The following TRPA1 variants were observed in gnomAD, a reference collection of about 807,000 sequenced individuals.
TRPA1 encodes the protein ankyrin-like with transmembrane domains 1.
In TRPA1, 129 loss-of-function variants were observed where a neutral mutation model predicts 131.3. The observed-to-expected ratio is 0.98, with a 90% CI of 0.85 to 1.14. TRPA1 has a LOEUF of 1.14. Among genes scored for constraint, TRPA1 ranks in the 50% most tolerant of loss-of-function variants. The pLI is 0.00. For missense variants in TRPA1, 1,304 were observed against 1,354.2 expected (o/e 0.96, Z 0.58); for synonymous variants, 441 against 451.7 (o/e 0.98, Z 0.30).
intron 20 of TRPA1, among the ~76,000 whole-genome samples, chr8:72,037,531 T>C (rs1383227008): frequency 6.6e-6 from 1 of 152,068 alleles, no homozygotes; most frequent in African/African-American, 2.4e-5. Flanking sequence ...TATTAAAACT[T>C]GGAATTTTAT....
intron 18 of TRPA1, among the ~76,000 whole-genome samples, chr8:72,039,510 T>A (rs1223480527): frequency 2.6e-5 from 4 of 152,124 alleles, no homozygotes; most frequent in Non-Finnish European, 1.5e-5. Flanking sequence ...GCATTTTTTT[T>A]AACCTTAACT....
At chr8:72,082,625 A>G in the TRPA1 span, among the ~76,000 whole-genome samples, 2 of 152,080 alleles carry the variant, frequency 1.3e-5, no homozygotes, top group East Asian at 3.9e-4. Context: ...CATCACTTTG[A>G]GTATTATTAC....
chr8:72,069,122 CTT>C lies in TRPA1; in HGVS notation c.343_344del (p.Lys115ValfsTer29), dbSNP rs1805997167. The C allele has an allele frequency of 6.2e-7, 1 of 1,614,098 alleles. No homozygotes were observed. The highest frequency in any genetic ancestry group is 1.3e-5 in the African/African-American group (1 of 74,922). ...AVEKNQIESV[K>X]FLLSRGANPN... Reference sequence around the variant, plus strand: ...GGTTTGCTCCTCTGCTGAGAAGAAACTTAACGCTTTCAATTTGGTTTTTTTCT... The same window carrying C: ...GGTTTGCTCCTCTGCTGAGAAGAAACAACGCTTTCAATTTGGTTTTTTTCT... On this transcript the variant is annotated frameshift_variant, in exon 3 of 27. Coordinates refer to ENST00000262209, the MANE Select transcript of TRPA1 (RefSeq NM_007332.3). LOFTEE classifies it high-confidence loss of function.
intron 7 of TRPA1, among the ~76,000 whole-genome samples, chr8:72,060,887 G>GGAA (rs1158481182): frequency 7.4e-5 from 11 of 148,236 alleles, no homozygotes; most frequent in African/African-American, 2.7e-4. Flanking sequence ...AAGAGATACT[G>GGAA]TAGAATTCCA....
intron 21 of TRPA1, among the ~76,000 whole-genome samples, chr8:72,035,576 A>G (rs533287547): frequency 2.0e-5 from 3 of 152,304 alleles, no homozygotes; most frequent in East Asian, 1.9e-4. Flanking sequence ...GTTATTGGAA[A>G]GATTATGTGA....
At chr8:72,041,834 T>G (rs1812262060) in intron 17 of TRPA1, among the ~76,000 whole-genome samples, 1 of 151,452 alleles carries the variant, frequency 6.6e-6, no homozygotes, top group Non-Finnish European at 1.5e-5. Context: ...AACCTAAGAT[T>G]AGCAAAATGA....
In TRPA1 at chr8:72,053,742, G is replaced by C; in HGVS notation, c.1644+11C>G. On this transcript the variant is annotated intron_variant, in intron 13 of 26. Coordinates refer to ENST00000262209, the MANE Select transcript of TRPA1 (RefSeq NM_007332.3). ...GAGATTTTGGGTAAGCATGAGGACCGCAGTACATACCCCGTCTTCATCCAG... is the reference window on the plus strand; with the variant it reads ...GAGATTTTGGGTAAGCATGAGGACCCCAGTACATACCCCGTCTTCATCCAG... The C allele has an allele frequency of 6.3e-7, 1 of 1,595,496 alleles. No individual in the cohort carries two copies. The highest frequency in any genetic ancestry group is 8.6e-7 in the Non-Finnish European group (1 of 1,165,010).
At chr8:72,023,208 T>C (rs1811459793) in intron 26 of TRPA1, 92 bp from the exon 27 acceptor site, 13 of 380,882 alleles carry the variant, frequency 3.4e-5, no homozygotes, top group African/African-American at 1.0e-4. Context: ...CCTCGGTCCC[T>C]TCTGAATGTA....
chr8:72,047,718 T>C (rs1364421191), intron 15 of TRPA1, among the ~76,000 whole-genome samples: 1 of 152,156 alleles, frequency 6.6e-6, no homozygotes, highest in Admixed American at 6.6e-5. Context: ...CTTCAGGCTA[T>C]GCTTTTAAGG....
At chr8:72,059,327 T>C in intron 8 of TRPA1, 63 bp downstream of exon 8, 1 of 1,105,240 alleles carries the variant, frequency 9.0e-7, no homozygotes, top group Non-Finnish European at 1.3e-6. Flanking sequence ...CCATATTATG[T>C]AATTATACGA....
rs1333675906 is a variant in TRPA1 at position 72,055,420 on chromosome 8, AATCATATATCCTCACCT to A, written c.1528_1529+15del. ...ATTAAAGAAATTATATAAACACTCC[AATCATATATCCTCACCT>A]GAGAAACAATGCACCTTTTTTCAGA... On this transcript the variant is annotated splice_donor_variant and splice_donor_5th_base_variant and coding_sequence_variant and intron_variant, in exon 12 of 27. Coordinates refer to ENST00000262209, the MANE Select transcript of TRPA1 (RefSeq NM_007332.3). LOFTEE classifies it high-confidence loss of function. The A allele has an allele frequency of 6.2e-7, 1 of 1,609,314 alleles. No homozygotes were observed. The highest frequency in any genetic ancestry group is 1.7e-5 in the Admixed American group (1 of 59,886).
At chr8:72,040,241 G>A (rs760610379) in intron 17 of TRPA1, among the ~76,000 whole-genome samples, 3 of 152,044 alleles carry the variant, frequency 2.0e-5, no homozygotes, top group Non-Finnish European at 4.4e-5. Flanking sequence ...GTGACTACTA[G>A]TATTTATTTA....
upstream of TRPA1, chr8:72,075,681 C>T: frequency 2.0e-6 from 1 of 496,490 alleles, no homozygotes; most frequent in Non-Finnish European, 3.7e-6. Context: ...AAGAGGGCGG[C>T]GGCGCCGCGT....
In TRPA1 at chr8:72,053,713, T is replaced by C. The variant is rs761301388; in HGVS notation, c.1644+40A>G. On this transcript the variant is annotated intron_variant, in intron 13 of 26. Coordinates refer to ENST00000262209, the MANE Select transcript of TRPA1 (RefSeq NM_007332.3). ...CTGGCAATGTTGGAAGTTTCTGCTA[T>C]ATTGAGATTTTGGGTAAGCATGAGG... 5 of 1,444,186 alleles carry C rather than the reference T, an allele frequency of 3.5e-6. No individual in the cohort carries two copies. The South Asian group carries it at 3.5e-5, about 10-fold the overall frequency. The allele number at this position is 1,444,186 out of a possible 1,614,324, so 89.5% of individuals were successfully genotyped here.
At chr8:72,050,947 A>G (rs1805488998) in intron 14 of TRPA1, 76 bp from the exon 15 acceptor site, 3 of 1,102,252 alleles carry the variant, frequency 2.7e-6, no homozygotes, top group Non-Finnish European at 4.1e-6. Context: ...ACTCAAGATT[A>G]TTTCTTTAGG....
chr8:72,047,316 G>T, intron 15 of TRPA1, 109 bp from the exon 16 acceptor site: 1 of 817,876 alleles, frequency 1.2e-6, no homozygotes, highest in South Asian at 1.5e-5. Flanking sequence ...TCCTTTCCTT[G>T]GTTTCTTGCA....
chr8:72,034,387 T>G lies in TRPA1; in HGVS notation c.2556-10A>C. 2.6e-6 allele frequency: 3 copies of G among 1,161,576 alleles called. No homozygotes were observed. The highest frequency in any genetic ancestry group is 3.6e-6 in the Non-Finnish European group (3 of 839,466). The allele number at this position is 1,161,576 out of a possible 1,614,324, so 72.0% of individuals were successfully genotyped here. A position where few individuals can be genotyped will look rare whatever the true frequency, so the allele number is the denominator to read the frequency against. Reference sequence around the variant, plus strand: ...TCCACAATTTTCAAATCTAGAAAAGTAAAAAAAAAAAAATTTACTCACTTT... The same window carrying G: ...TCCACAATTTTCAAATCTAGAAAAGGAAAAAAAAAAAAATTTACTCACTTT... On this transcript the variant is annotated splice_polypyrimidine_tract_variant and intron_variant, in intron 21 of 26. Transcript: ENST00000262209.
the TRPA1 span, among the ~76,000 whole-genome samples, chr8:72,082,322 T>C: frequency 5.5e-4 from 83 of 152,066 alleles, no homozygotes; most frequent in Admixed American, 2.9e-3. Context: ...TGGTATATAC[T>C]CTAAAATAGT....
intron 8 of TRPA1, among the ~76,000 whole-genome samples, chr8:72,058,283 C>A (rs529872513): frequency 1.3e-5 from 2 of 151,682 alleles, no homozygotes; most frequent in African/African-American, 2.4e-5. Context: ...ATAATTGAAT[C>A]GAAATCACTC....
Sources: allele counts gnomAD v4.1 joint callset (sites outside exome capture counted in the v4.1 genomes callset), GRCh38; gene constraint gnomAD v4.1.1; transcripts MANE v1.5; gene names NCBI Gene and HGNC (gene_info 2026-07-23, HGNC 2026-07-21).